RPS6KA2: variants seen among roughly 807,000 people sequenced by gnomAD.
RPS6KA2 encodes the protein ribosomal protein S6 kinase alpha-2.
RPS6KA2 carries 42 observed loss-of-function variants against 91.8 expected under a neutral mutation model. The ratio of observed to expected loss-of-function variants is 0.46; its 90% confidence interval spans 0.36 to 0.59. The LOEUF is 0.59. Among genes scored for constraint, RPS6KA2 ranks in the 20% least tolerant of loss-of-function variants. RPS6KA2 has a pLI of 0.00. For synonymous variants in RPS6KA2, 414 were observed against 393.6 expected, an observed-to-expected ratio of 1.05 and a Z score of -0.61; for missense variants, 798 against 978.5, an observed-to-expected ratio of 0.82 and a Z score of 2.46.
chr6:166,556,046 T>C (rs1784169720), intron 1 of RPS6KA2, among the ~76,000 whole-genome samples: 1 of 152,164 alleles, frequency 6.6e-6, no homozygotes. Context: ...GGTAAGAAGA[T>C]GCAATTTCTG....
At chr6:166,836,489 A>AT (rs11402367) in intron 2 of RPS6KA2, among the ~76,000 whole-genome samples, 103,592 of 151,880 alleles carry the variant, frequency 0.68, 35,430 homozygotes, top group Middle Eastern at 0.75. Flanking sequence ...AAGTTTTCTG[A>AT]TTTTTTTCCA....
At chr6:166,501,752 T>C (rs1782038574) in intron 6 of RPS6KA2, among the ~76,000 whole-genome samples, 1 of 152,222 alleles carries the variant, frequency 6.6e-6, no homozygotes, top group Non-Finnish European at 1.5e-5. Flanking sequence ...ATTTATTTAT[T>C]TGGCTGTAAT....
In RPS6KA2 at chr6:166,726,587, C is replaced by T. The variant is rs538554919; in HGVS notation, c.123+131613G>A. Among the ~76,000 whole-genome samples, 1 of 152,344 alleles carries T rather than the reference C, an allele frequency of 6.6e-6. No individual in the cohort carries two copies. Among genetic ancestry groups the T allele is most frequent in the African/African-American group, 2.4e-5 (1 of 41,578 alleles). On this transcript the variant is annotated intron_variant, in intron 2 of 21. Transcript: ENST00000503859. The surrounding 1 kb of genome is among the most constrained non-coding windows in gnomAD (Gnocchi z 4.4). ...AACTTAAGACGTTTCTGAAGTGACT[C>T]ACCAACTGATCCAAAATATATAACC...
chr6:166,762,212 G>A (rs560779508), intron 2 of RPS6KA2, among the ~76,000 whole-genome samples: 8 of 152,242 alleles, frequency 5.3e-5, no homozygotes, highest in South Asian at 2.1e-4. Flanking sequence ...GTGTCCCTGC[G>A]TCCTCCCCTC....
rs1351187820 is a variant in RPS6KA2 at position 166,601,726 on chromosome 6, A to T, written c.99+25195T>A. ...AAAAGCAGAAAACAAAACTAGTTCCATTCTTTACACTACACAAAGAATGCA... is the reference window on the plus strand; with the variant it reads ...AAAAGCAGAAAACAAAACTAGTTCCTTTCTTTACACTACACAAAGAATGCA... On this transcript the variant is annotated intron_variant, in intron 1 of 20. Coordinates refer to ENST00000265678, the MANE Select transcript of RPS6KA2 (RefSeq NM_021135.6). 2.0e-5 allele frequency among the ~76,000 whole-genome samples: 3 copies of T among 152,242 alleles called. No individual in the cohort carries two copies. In the East Asian group the frequency reaches 5.8e-4, roughly 29 times the overall value.
chr6:166,788,308 T>C (rs200944686), intron 2 of RPS6KA2, among the ~76,000 whole-genome samples: 3 of 152,142 alleles, frequency 2.0e-5, no homozygotes, highest in Non-Finnish European at 4.4e-5. Context: ...ACAAGAAATA[T>C]CATTTGACCC....
chr6:166,550,726 G>A (rs986544963), intron 1 of RPS6KA2, among the ~76,000 whole-genome samples: 2 of 152,120 alleles, frequency 1.3e-5, no homozygotes, highest in African/African-American at 2.4e-5. Flanking sequence ...ATTAGGGTTG[G>A]GCGCGATGGC....
At chr6:166,558,070 G>GTA (rs1240525562) in intron 1 of RPS6KA2, among the ~76,000 whole-genome samples, 2 of 151,926 alleles carry the variant, frequency 1.3e-5, no homozygotes, top group Admixed American at 6.6e-5. Flanking sequence ...ATTTGTATGT[G>GTA]TATATATATA....
At chr6:166,624,552 TG>T (rs1240985297) in intron 1 of RPS6KA2, among the ~76,000 whole-genome samples, 5 of 152,320 alleles carry the variant, frequency 3.3e-5, no homozygotes, top group Middle Eastern at 3.4e-3. Flanking sequence ...GTCAGCTGCT[TG>T]TGAGACTCAT....
At chr6:166,630,987 G>T (rs1787056793), upstream of RPS6KA2, among the ~76,000 whole-genome samples, 2 of 152,262 alleles carry the variant, frequency 1.3e-5, no homozygotes, top group Middle Eastern at 3.4e-3. Context: ...GGCTTCTTGG[G>T]CCCTCGGCAA....
intron 11 of RPS6KA2, among the ~76,000 whole-genome samples, chr6:166,464,649 G>A (rs548454532): frequency 3.9e-4 from 59 of 152,280 alleles, no homozygotes; most frequent in African/African-American, 1.4e-3. Context: ...TAACTTTTAC[G>A]AAGCTTTTTT....
rs116593337 is a variant in RPS6KA2, at chr6:166,808,170, A to G, written c.123+50030T>C. ...CCCTGGACCGGGCTGGGACAGGTCC[A>G]TCACAGGGACACACACCACTCCTCA... On this transcript the variant is annotated intron_variant, in intron 2 of 21. Transcript: ENST00000503859. Among the ~76,000 whole-genome samples, 428 of 152,346 alleles carry G rather than the reference A, an allele frequency of 2.8e-3. 4 individuals are homozygous for G. The highest frequency in any genetic ancestry group is 9.4e-3 in the African/African-American group (389 of 41,580).
At chr6:166,478,418 C>A (rs1781062368) in intron 10 of RPS6KA2, among the ~76,000 whole-genome samples, 1 of 152,144 alleles carries the variant, frequency 6.6e-6, no homozygotes, top group Non-Finnish European at 1.5e-5. Context: ...AGACCCCGGG[C>A]AAGGCGGGCA....
intron 3 of RPS6KA2, among the ~76,000 whole-genome samples, chr6:166,517,297 C>G (rs561897653): frequency 9.3e-4 from 142 of 152,194 alleles, no homozygotes; most frequent in African/African-American, 3.3e-3. Context: ...GAGTTGGAGA[C>G]AAGCCTAAGT....
At chr6:166,812,159 C>A (rs573260244) in intron 2 of RPS6KA2, among the ~76,000 whole-genome samples, 3 of 152,120 alleles carry the variant, frequency 2.0e-5, no homozygotes, top group Admixed American at 6.6e-5. Flanking sequence ...AGTTCGAGAC[C>A]AGCCTGGCCA....
chr6:166,781,300 G>A (rs962837342), intron 2 of RPS6KA2, among the ~76,000 whole-genome samples: 1 of 152,186 alleles, frequency 6.6e-6, no homozygotes, highest in East Asian at 1.9e-4. Flanking sequence ...GTGCATTTTG[G>A]GGATTGTTCA....
intron 1 of RPS6KA2, among the ~76,000 whole-genome samples, chr6:166,600,485 G>C (rs974322299): frequency 6.6e-6 from 1 of 152,194 alleles, no homozygotes; most frequent in African/African-American, 2.4e-5. Flanking sequence ...ATTTTCTTCC[G>C]ATCTAAATTC....
At chr6:166,700,401 T>G (rs1161810737) in intron 2 of RPS6KA2, among the ~76,000 whole-genome samples, 3 of 152,228 alleles carry the variant, frequency 2.0e-5, no homozygotes, top group African/African-American at 7.2e-5. Flanking sequence ...GTAAAATTCT[T>G]AATTTGCCTA....
At chr6:166,709,673 A>C (rs1289866892) in intron 2 of RPS6KA2, among the ~76,000 whole-genome samples, 1 of 152,212 alleles carries the variant, frequency 6.6e-6, no homozygotes, top group Non-Finnish European at 1.5e-5. Flanking sequence ...AAAAAGAAGA[A>C]AGGGATGAAA....
Sources: allele counts gnomAD v4.1 joint callset (sites outside exome capture counted in the v4.1 genomes callset), GRCh38; gene constraint gnomAD v4.1.1; non-coding constraint Gnocchi (gnomAD v3.1); transcripts MANE v1.5; gene names NCBI Gene and HGNC (gene_info 2026-07-23, HGNC 2026-07-21).